Variants in RAPGEF4 observed in about 807,000 individuals in gnomAD.
The protein encoded by RAPGEF4 is RAP guanine-nucleotide-exchange factor (GEF) 4.
A neutral mutation model predicts 147.9 loss-of-function variants in RAPGEF4; 66 were observed. The observed-to-expected ratio is 0.45, with a 90% CI of 0.37 to 0.55. The LOEUF is 0.55. Ranked by LOEUF, RAPGEF4 falls within the 20% of genes least tolerant of loss-of-function variation. The probability of loss-of-function intolerance (pLI) is 0.00; values close to 1 mark genes in which losing one functional copy is unlikely to be tolerated. For synonymous variants in RAPGEF4, 419 were observed against 442.7 expected (o/e 0.95, Z 0.67); for missense variants, 1,071 against 1,257.3 (o/e 0.85, Z 2.24).
chr2:172,847,514 G>C (rs1692334813), intron 4 of RAPGEF4, among the ~76,000 whole-genome samples: 1 of 152,108 alleles, frequency 6.6e-6, no homozygotes, highest in Non-Finnish European at 1.5e-5. Flanking sequence ...CAGAAAGCCG[G>C]GACTGAAGGG....
At position 173,042,495 on chromosome 2, in the gene RAPGEF4, C is replaced by T. The variant is rs192055715; in HGVS notation, c.2853+5803C>T. On this transcript the variant is annotated intron_variant, in intron 29 of 30. Transcript: ENST00000397081. This position sits in a 1 kb window ranked among gnomAD's most constrained non-coding sequence, Gnocchi z 4.2. ...AAAATTAGCCAGGCATGGTGGCGGGCGCCTGTAATCCCAGCTATTCAGGAG... is the reference window on the plus strand; with the variant it reads ...AAAATTAGCCAGGCATGGTGGCGGGTGCCTGTAATCCCAGCTATTCAGGAG... 4.6e-5 allele frequency among the ~76,000 whole-genome samples: 7 copies of T among 152,104 alleles called. No individual in the cohort carries two copies. The highest frequency in any genetic ancestry group is 1.3e-4 in the Admixed American group (2 of 15,280).
chr2:172,924,312 G>C (rs117260846), intron 6 of RAPGEF4, among the ~76,000 whole-genome samples: 1 of 152,184 alleles, frequency 6.6e-6, no homozygotes, highest in Non-Finnish European at 1.5e-5. Flanking sequence ...TCTAAGCAGA[G>C]GGCTAACAGC....
At chr2:172,835,856 T>A (rs1479370736) in intron 4 of RAPGEF4, among the ~76,000 whole-genome samples, 2 of 152,140 alleles carry the variant, frequency 1.3e-5, no homozygotes, top group African/African-American at 4.8e-5. Context: ...AAGGGAAGAT[T>A]GAGATCCAGA....
chr2:172,970,179 A>G (rs868822414), intron 10 of RAPGEF4, among the ~76,000 whole-genome samples: 1 of 117,844 alleles, frequency 8.5e-6, no homozygotes, highest in Non-Finnish European at 1.8e-5. Context: ...ACACACACAC[A>G]CCCTTTTTTT....
chr2:172,943,450 G>A lies in RAPGEF4; in HGVS notation c.538-17310G>A, dbSNP rs4972520. Among the ~76,000 whole-genome samples the A allele has an allele frequency of 8.1e-3, 1,229 of 152,214 alleles. 23 individuals are homozygous for A. Among genetic ancestry groups the A allele is most frequent in the East Asian group, 0.036 (188 of 5,182 alleles). ...CTCATCTGTGAAATGGGAGTAATGGGAGCTCATCAAAGGGTTGTTGTTAGT... is the reference window on the plus strand; with the variant it reads ...CTCATCTGTGAAATGGGAGTAATGGAAGCTCATCAAAGGGTTGTTGTTAGT... On this transcript the variant is annotated intron_variant, in intron 6 of 30. Transcript: ENST00000397081.
At chr2:172,985,577 TCA>T (rs1481073161) in intron 12 of RAPGEF4, 84 bp downstream of exon 12, 34 of 1,564,250 alleles carry the variant, frequency 2.2e-5, no homozygotes, top group Non-Finnish European at 2.8e-5. Context: ...TGCTAACGCC[TCA>T]CTTCTTGGCC....
chr2:172,917,526 T>C (rs1353488072), intron 4 of RAPGEF4: 1 of 652,104 alleles, frequency 1.5e-6, no homozygotes, highest in Non-Finnish European at 2.9e-6. Flanking sequence ...GGGTGCTAAA[T>C]ATCCCACACA....
chr2:173,044,729 A>T (rs574834579), intron 29 of RAPGEF4, among the ~76,000 whole-genome samples: 3 of 152,306 alleles, frequency 2.0e-5, no homozygotes, highest in Middle Eastern at 6.8e-3. Flanking sequence ...TTGTTCCCCT[A>T]CACGGATCCG....
intron 1 of RAPGEF4, among the ~76,000 whole-genome samples, chr2:172,739,618 G>GC (rs1476507422): frequency 6.6e-6 from 1 of 152,132 alleles, no homozygotes; most frequent in African/African-American, 2.4e-5. Flanking sequence ...TGATCCGCTC[G>GC]CCTTGGCCTC....
intron 11 of RAPGEF4, among the ~76,000 whole-genome samples, chr2:172,984,757 G>A (rs1692060365): frequency 6.6e-6 from 1 of 152,164 alleles, no homozygotes; most frequent in South Asian, 2.1e-4. Flanking sequence ...CAGGGACCCA[G>A]CATGTCCCGA....
chr2:172,931,884 G>A (rs928264343), intron 6 of RAPGEF4, among the ~76,000 whole-genome samples: 6 of 152,016 alleles, frequency 3.9e-5, no homozygotes, highest in African/African-American at 1.4e-4. Flanking sequence ...TGCGTAAATG[G>A]TTCTGTCATT....
chr2:173,040,532 C>T (rs1684635578), intron 29 of RAPGEF4, among the ~76,000 whole-genome samples: 1 of 152,016 alleles, frequency 6.6e-6, no homozygotes, highest in South Asian at 2.1e-4. Context: ...TGCCAGGGGC[C>T]GAGGTCACCA....
intron 1 of RAPGEF4, among the ~76,000 whole-genome samples, chr2:172,794,128 A>G (rs914555642): frequency 1.3e-5 from 2 of 152,118 alleles, no homozygotes; most frequent in African/African-American, 4.8e-5. Context: ...CTATAATCCC[A>G]GCACTTTGGG....
At chr2:172,983,143 A>G (rs1575439530) in intron 10 of RAPGEF4, among the ~76,000 whole-genome samples, 1 of 152,222 alleles carries the variant, frequency 6.6e-6, no homozygotes, top group Non-Finnish European at 1.5e-5. Context: ...TTAAAAGACA[A>G]GTTTTGCCAT....
chr2:172,860,667 A>G (rs1473895773), intron 4 of RAPGEF4, among the ~76,000 whole-genome samples: 1 of 151,784 alleles, frequency 6.6e-6, no homozygotes, highest in Non-Finnish European at 1.5e-5. Flanking sequence ...TTTTTTTAAA[A>G]AATGTATTTG....
intron 4 of RAPGEF4, among the ~76,000 whole-genome samples, chr2:172,858,041 T>C (rs1693641731): frequency 6.6e-6 from 1 of 152,054 alleles, no homozygotes. Context: ...ATATATGAGT[T>C]ATTTGTTGAA....
At chr2:172,860,547 C>T (rs1219331799) in intron 4 of RAPGEF4, among the ~76,000 whole-genome samples, 5 of 147,218 alleles carry the variant, frequency 3.4e-5, no homozygotes, top group Admixed American at 2.7e-4. Flanking sequence ...GAAGCCTGTG[C>T]GTGAGTTTTG....
intron 1 of RAPGEF4, among the ~76,000 whole-genome samples, chr2:172,758,229 A>G (rs1158764066): frequency 6.6e-6 from 1 of 152,092 alleles, no homozygotes; most frequent in Non-Finnish European, 1.5e-5. Flanking sequence ...GTGCGTGTGT[A>G]GGTTGTTTGA....
intron 4 of RAPGEF4, among the ~76,000 whole-genome samples, chr2:172,898,384 C>T (rs551626495): frequency 6.6e-6 from 1 of 152,202 alleles, no homozygotes. Flanking sequence ...ACCAGACCGT[C>T]TTCTCTTTAC....
Sources: gnomAD v4.1 joint callset for allele counts (sites outside exome capture counted in the v4.1 genomes callset) on GRCh38, gnomAD v4.1.1 for gene constraint, Gnocchi (gnomAD v3.1) non-coding constraint, MANE v1.5 for transcripts, NCBI Gene and HGNC (gene_info 2026-07-23, HGNC 2026-07-21) for gene names.